Variants in GTF2A1 observed in about 807,000 individuals in gnomAD.
GTF2A1 encodes the protein general transcription factor IIA subunit 1.
In GTF2A1, 12 loss-of-function variants were observed where a neutral mutation model predicts 54.1. That is an observed-to-expected ratio of 0.22 (90% CI 0.14 to 0.36). The LOEUF is 0.36. GTF2A1 is among the 10% of genes least tolerant of loss of function. The probability of loss-of-function intolerance (pLI) is 1.00; values close to 1 mark genes in which losing one functional copy is unlikely to be tolerated. For synonymous variants in GTF2A1, 145 were observed against 152.0 expected (o/e 0.95, Z 0.34); for missense variants, 335 against 442.2 (o/e 0.76, Z 2.17).
intron 7 of GTF2A1, among the ~76,000 whole-genome samples, chr14:81,187,732 G>A (rs1179282403): frequency 6.6e-6 from 1 of 152,192 alleles, no homozygotes; most frequent in Non-Finnish European, 1.5e-5. Context: ...GTTATCAGCT[G>A]ATGAACATTT....
At chr14:81,215,372 G>A (rs1056404141) in intron 2 of GTF2A1, among the ~76,000 whole-genome samples, 2 of 152,094 alleles carry the variant, frequency 1.3e-5, no homozygotes, top group Admixed American at 6.6e-5. Flanking sequence ...AAGAATGACG[G>A]GCAAACTATG....
chr14:81,179,638 T>TA lies in GTF2A1; in HGVS notation c.*584dup, dbSNP rs1892598469. On this transcript the variant is annotated 3_prime_UTR_variant, in exon 9 of 9. Transcript: ENST00000553612. ...ATCACTGATAACTTTAAATCTTAAA[T>TA]AGATGTTTCATAAAGCTGGAAAGGA... 6.6e-6 allele frequency: 1 copy of TA among 152,196 alleles called. No homozygotes were observed. The highest frequency in any genetic ancestry group is 1.5e-5 in the Non-Finnish European group (1 of 68,018). 9.4% of individuals were successfully genotyped at this position (152,196 alleles called of 1,614,324 possible).
At chr14:81,202,958 T>C (rs1893146582) in intron 3 of GTF2A1, 1 of 368,542 alleles carries the variant, frequency 2.7e-6, no homozygotes, top group South Asian at 2.1e-5. Context: ...CATTACCAAT[T>C]TTAAGACACA....
In GTF2A1 at chr14:81,184,738, T is replaced by C. The variant is rs139414130; in HGVS notation, c.1023+793A>G. 7.7e-4 allele frequency among the ~76,000 whole-genome samples: 117 copies of C among 152,312 alleles called. 1 individual carries two copies. In the South Asian group the frequency reaches 0.012, roughly 15 times the overall value. On this transcript the variant is annotated intron_variant, in intron 8 of 8. Transcript: ENST00000553612. ...AGGGCCTAGAATAGTGTCTGGTAAA[T>C]TTCCGCACTCTATAAATGTTGAATA...
intron 1 of GTF2A1, among the ~76,000 whole-genome samples, chr14:81,218,659 A>G (rs1015679707): frequency 2.6e-5 from 4 of 152,150 alleles, no homozygotes; most frequent in African/African-American, 9.7e-5. Flanking sequence ...TCAGAGGGCC[A>G]CTAGTGGCAT....
At chr14:81,199,069 A>G (rs1414045615) in intron 4 of GTF2A1, among the ~76,000 whole-genome samples, 1 of 152,246 alleles carries the variant, frequency 6.6e-6, no homozygotes, top group Non-Finnish European at 1.5e-5. Context: ...AGGTTATCTA[A>G]GTTTAAGGAA....
intron 4 of GTF2A1, among the ~76,000 whole-genome samples, chr14:81,198,100 CT>C (rs1166331950): frequency 6.6e-6 from 1 of 152,134 alleles, no homozygotes; most frequent in African/African-American, 2.4e-5. Context: ...GCATTATATT[CT>C]AGGTGAAACA....
intron 5 of GTF2A1, 55 bp from the exon 6 acceptor site, chr14:81,196,296 A>G: frequency 6.4e-7 from 1 of 1,572,078 alleles, no homozygotes; most frequent in Non-Finnish European, 8.7e-7. Context: ...CCATCTCAAA[A>G]GAAATGAATT....
rs1207422056 is a variant in GTF2A1 at position 81,211,878 on chromosome 14, T to C, written c.132+4535A>G. Among the ~76,000 whole-genome samples the C allele has an allele frequency of 5.0e-3, 129 of 25,558 alleles. 2 individuals carry two copies. The highest frequency in any genetic ancestry group is 7.7e-3 in the African/African-American group (123 of 15,888). 16.8% of individuals were successfully genotyped at this position (25,558 alleles called of 152,430 possible). A position where few individuals can be genotyped will look rare whatever the true frequency, so the allele number is the denominator to read the frequency against. ...TAATTAGAGTGTATCAAGTACTTTA[T>C]ATATATATATATATATATATATATA... On this transcript the variant is annotated intron_variant, in intron 2 of 8. Transcript: ENST00000553612.
intron 2 of GTF2A1, among the ~76,000 whole-genome samples, chr14:81,211,935 T>C (rs563364329): frequency 7.1e-6 from 1 of 139,926 alleles, no homozygotes; most frequent in East Asian, 2.0e-4. Context: ...GAATAGTGGT[T>C]CTCAGCCAGA....
chr14:81,207,006 C>A (rs1035995458), intron 2 of GTF2A1, among the ~76,000 whole-genome samples: 3 of 152,078 alleles, frequency 2.0e-5, no homozygotes, highest in Non-Finnish European at 2.9e-5. Flanking sequence ...GGGTCCTAGT[C>A]AAGAAGTTTG....
rs1247681795 is a variant in GTF2A1 at position 81,216,482 on chromosome 14, G to T, written c.63C>A (p.Val21=). ...PKLYRSVIED[V]INDVRDIFLD... ...GAAAGATGTCTCTCACATCATTAAT[G>T]ACATCTTCAATCACAGATCTGTATA... Residue 21 remains valine, a synonymous_variant, in exon 2 of 9, where the codon GTC becomes GTA. Coordinates refer to ENST00000553612, the MANE Select transcript of GTF2A1 (RefSeq NM_015859.4). 6.5e-7 allele frequency: 1 copy of T among 1,534,394 alleles called. No individual in the cohort carries two copies. The highest frequency in any genetic ancestry group is 9.0e-7 in the Non-Finnish European group (1 of 1,107,690).
intron 2 of GTF2A1, among the ~76,000 whole-genome samples, chr14:81,206,723 T>C (rs1003967801): frequency 6.6e-6 from 1 of 152,140 alleles, no homozygotes; most frequent in Non-Finnish European, 1.5e-5. Context: ...TGCAACCCAC[T>C]AGTGATTCAT....
chr14:81,203,643 T>C (rs1595222466), intron 3 of GTF2A1, among the ~76,000 whole-genome samples: 2 of 152,316 alleles, frequency 1.3e-5, no homozygotes, highest in South Asian at 4.1e-4. Context: ...GGCTTTCAAT[T>C]AGTAAATTAC....
At chr14:81,206,943 T>C (rs1893244692) in intron 2 of GTF2A1, among the ~76,000 whole-genome samples, 1 of 152,172 alleles carries the variant, frequency 6.6e-6, no homozygotes, top group African/African-American at 2.4e-5. Flanking sequence ...TATACACACA[T>C]ACACTGGCGC....
At chr14:81,204,478 C>A (rs1284441943) in intron 2 of GTF2A1, among the ~76,000 whole-genome samples, 5 of 152,112 alleles carry the variant, frequency 3.3e-5, no homozygotes, top group Admixed American at 6.5e-5. Flanking sequence ...TTATATGGAA[C>A]TTTTTCCTTA....
rs1892605141 is a variant in GTF2A1, at chr14:81,179,991, C to T, written c.*232G>A. 1 of 270,742 alleles carries T rather than the reference C, an allele frequency of 3.7e-6. No homozygotes were observed. The highest frequency in any genetic ancestry group is 2.2e-5 in the African/African-American group (1 of 45,652). The allele number at this position is 270,742 out of a possible 1,614,324, so 16.8% of individuals were successfully genotyped here. On this transcript the variant is annotated 3_prime_UTR_variant, in exon 9 of 9. Coordinates refer to ENST00000553612, the MANE Select transcript of GTF2A1 (RefSeq NM_015859.4). ...AAAATCAACAATTATGGTTTTCCTA[C>T]ACAAAACCCCAACCCTCCCACCCAA...
At chr14:81,188,510 G>A (rs1223207627) in intron 7 of GTF2A1, among the ~76,000 whole-genome samples, 1 of 152,148 alleles carries the variant, frequency 6.6e-6, no homozygotes, top group Non-Finnish European at 1.5e-5. Flanking sequence ...AATGGCTCAC[G>A]CCTGTAATCC....
At chr14:81,201,190 T>TA (rs1318733672) in intron 4 of GTF2A1, among the ~76,000 whole-genome samples, 5 of 152,214 alleles carry the variant, frequency 3.3e-5, no homozygotes, top group African/African-American at 7.2e-5. Context: ...TGCTTGATTT[T>TA]AAAAATAGTT....
Sources: gnomAD v4.1 joint callset for allele counts (sites outside exome capture counted in the v4.1 genomes callset) on GRCh38, gnomAD v4.1.1 for gene constraint, MANE v1.5 for transcripts, NCBI Gene and HGNC (gene_info 2026-07-23, HGNC 2026-07-21) for gene names.